Variants in FER observed in about 807,000 individuals in gnomAD.
FER encodes tyrosine-protein kinase Fer.
In FER, 63 loss-of-function variants were observed where a neutral mutation model predicts 111.0. That is an observed-to-expected ratio of 0.57 (90% CI 0.46 to 0.70). FER has a LOEUF of 0.70. Among genes scored for constraint, FER ranks in the 30% least tolerant of loss-of-function variants. The pLI, the probability that FER is intolerant of heterozygous loss-of-function variation, is 0.00. For missense variants in FER, 914 were observed against 954.0 expected (o/e 0.96, Z 0.55); for synonymous variants, 327 against 313.9 (o/e 1.04, Z -0.44).
At chr5:108,765,742 T>A (rs1157064992) in intron 1 of FER, among the ~76,000 whole-genome samples, 1 of 152,196 alleles carries the variant, frequency 6.6e-6, no homozygotes, top group Non-Finnish European at 1.5e-5. Context: ...AGAAGAGAGT[T>A]TAAACATTTT....
rs1174762713 is a variant in FER at position 108,778,158 on chromosome 5, A to G, written c.-60+9920A>G. 2.0e-5 allele frequency among the ~76,000 whole-genome samples: 3 copies of G among 152,132 alleles called. No individual in the cohort carries two copies. In the East Asian group the frequency reaches 5.8e-4, roughly 29 times the overall value. ...TCAGTTCTTTTTAGTGCTGAATAATATTCCATTGTTTGTATTTACCACAGT... is the reference window on the plus strand; with the variant it reads ...TCAGTTCTTTTTAGTGCTGAATAATGTTCCATTGTTTGTATTTACCACAGT... On this transcript the variant is annotated intron_variant, in intron 2 of 19. Coordinates refer to ENST00000281092, the MANE Select transcript of FER (RefSeq NM_005246.4).
At chr5:109,148,988 T>C (rs1474947481) in intron 17 of FER, among the ~76,000 whole-genome samples, 1 of 152,192 alleles carries the variant, frequency 6.6e-6, no homozygotes, top group Non-Finnish European at 1.5e-5. Context: ...ACTACATCTG[T>C]CTTACCCATT....
intron 16 of FER, among the ~76,000 whole-genome samples, chr5:109,055,260 T>G (rs1428095305): frequency 6.6e-6 from 1 of 152,132 alleles, no homozygotes; most frequent in East Asian, 1.9e-4. Flanking sequence ...TTGGTGATGA[T>G]TTTTTGGATA....
intron 10 of FER, among the ~76,000 whole-genome samples, chr5:108,921,420 T>C (rs1753002508): frequency 6.6e-6 from 1 of 152,168 alleles, no homozygotes; most frequent in African/African-American, 2.4e-5. Flanking sequence ...TCTCAGAAGG[T>C]AGGCACTTTC....
chr5:108,808,961 G>A (rs6875158), intron 3 of FER, among the ~76,000 whole-genome samples: 34,716 of 152,072 alleles, frequency 0.23, 4,142 homozygotes, highest in African/African-American at 0.28. Flanking sequence ...GTCCACTGTT[G>A]GCCTGACAGA....
intron 13 of FER, among the ~76,000 whole-genome samples, chr5:108,979,262 G>C (rs1761755317): frequency 6.6e-6 from 1 of 152,158 alleles, no homozygotes; most frequent in African/African-American, 2.4e-5. Flanking sequence ...GATTCAGCTT[G>C]ACACCTTCTC....
At chr5:108,882,837 C>T (rs73781906) in intron 8 of FER, among the ~76,000 whole-genome samples, 3,257 of 151,306 alleles carry the variant, frequency 0.022, 109 homozygotes, top group African/African-American at 0.075. Context: ...GGTTTGTGAG[C>T]GCATATTAAT....
intron 13 of FER, among the ~76,000 whole-genome samples, chr5:108,983,337 T>C (rs1232576902): frequency 1.3e-5 from 2 of 152,116 alleles, no homozygotes; most frequent in Non-Finnish European, 2.9e-5. Flanking sequence ...AGCTCTTTAC[T>C]GCTTCCTCAA....
Position 108,920,212 on chromosome 5 carries a change from A to G in FER, c.1236+22364A>G, listed in dbSNP as rs147910587. 8.0e-4 allele frequency among the ~76,000 whole-genome samples: 122 copies of G among 152,214 alleles called. 1 individual carries two copies. The highest frequency in any genetic ancestry group is 1.6e-3 in the Non-Finnish European group (109 of 67,946). ...GTTTTAAAAATAAAATTAAATGCAT[A>G]TAGTTTTAAAATTTACATGTGAAGG... On this transcript the variant is annotated intron_variant, in intron 10 of 19. Coordinates refer to ENST00000281092, the MANE Select transcript of FER (RefSeq NM_005246.4).
intron 13 of FER, among the ~76,000 whole-genome samples, chr5:109,028,846 A>G (rs898388844): frequency 6.6e-6 from 1 of 152,172 alleles, no homozygotes; most frequent in African/African-American, 2.4e-5. Context: ...TTACTCAGGA[A>G]ATCCCATTTG....
In FER at chr5:109,187,586, G is replaced by A. The variant is rs1330041778; in HGVS notation, c.*11G>A. The A allele has an allele frequency of 2.5e-6, 4 of 1,613,950 alleles. No individual in the cohort carries two copies. In the East Asian group the frequency reaches 8.9e-5, roughly 36 times the overall value. On this transcript the variant is annotated 3_prime_UTR_variant, in exon 20 of 20. Coordinates refer to ENST00000281092, the MANE Select transcript of FER (RefSeq NM_005246.4). ...AGAAAACTCACATAGTGACAGGATG[G>A]CGCCAAACTCAGCCTTCAGGACTCT...
At chr5:109,071,927 A>G (rs767298532) in intron 16 of FER, among the ~76,000 whole-genome samples, 6 of 151,590 alleles carry the variant, frequency 4.0e-5, no homozygotes, top group Non-Finnish European at 5.9e-5. Context: ...TTTCTTCCTG[A>G]ATATTTGCTA....
At chr5:108,805,737 G>C (rs756971327) in intron 3 of FER, among the ~76,000 whole-genome samples, 14 of 152,254 alleles carry the variant, frequency 9.2e-5, no homozygotes, top group Non-Finnish European at 1.8e-4. Context: ...ATTTGAACTT[G>C]AGAGAGATGA....
rs1286676710 is a variant in FER at position 109,190,868 on chromosome 5, A to AGAT, written c.*3294_*3296dup. On this transcript the variant is annotated 3_prime_UTR_variant, in exon 20 of 20. Transcript: ENST00000281092. ...TATAGACCAGGAGCCTAACTGTGTT[A>AGAT]GATATTTTCAGTGCACATTTCACAG... 1 of 152,234 alleles carries AGAT rather than the reference A, an allele frequency of 6.6e-6. No individual in the cohort carries two copies. Among genetic ancestry groups the AGAT allele is most frequent in the African/African-American group, 2.4e-5 (1 of 41,476 alleles). The allele number at this position is 152,234 out of a possible 1,614,324, so 9.4% of individuals were successfully genotyped here. A position where few individuals can be genotyped will look rare whatever the true frequency, so the allele number is the denominator to read the frequency against.
At chr5:108,989,164 T>A (rs918549134) in intron 13 of FER, among the ~76,000 whole-genome samples, 7 of 152,064 alleles carry the variant, frequency 4.6e-5, no homozygotes, top group Non-Finnish European at 8.8e-5. Flanking sequence ...TCAGTCCTAC[T>A]GAAATAATCT....
intron 10 of FER, among the ~76,000 whole-genome samples, chr5:108,918,056 A>T (rs1752493526): frequency 1.3e-5 from 2 of 152,212 alleles, no homozygotes; most frequent in Non-Finnish European, 2.9e-5. Flanking sequence ...TTGTAACAGG[A>T]TATCAAGACT....
chr5:109,017,695 T>C lies in FER; in HGVS notation c.1657-19727T>C, dbSNP rs538183579. 6.1e-4 allele frequency among the ~76,000 whole-genome samples: 93 copies of C among 152,108 alleles called. 1 individual carries two copies. The highest frequency in any genetic ancestry group is 3.4e-3 in the Middle Eastern group (1 of 294). On this transcript the variant is annotated intron_variant, in intron 13 of 19. Coordinates refer to ENST00000281092, the MANE Select transcript of FER (RefSeq NM_005246.4). Reference sequence around the variant, plus strand: ...GATATATATCATCATTGCTCTTAAATGTTATTATAGTTATTTAATTTGTTT... The same window carrying C: ...GATATATATCATCATTGCTCTTAAACGTTATTATAGTTATTTAATTTGTTT...
intron 5 of FER, among the ~76,000 whole-genome samples, chr5:108,862,342 CTGAGT>C: frequency 6.6e-6 from 1 of 152,150 alleles, no homozygotes; most frequent in East Asian, 1.9e-4. Context: ...TAAAATCTTA[CTGAGT>C]TGAGTGTTGT....
At chr5:109,123,401 C>A (rs1050155522) in intron 17 of FER, among the ~76,000 whole-genome samples, 3 of 151,946 alleles carry the variant, frequency 2.0e-5, no homozygotes, top group Admixed American at 2.0e-4. Context: ...CATGATCCGC[C>A]CACCTCAGCC....
Sources: gnomAD v4.1 joint callset for allele counts (sites outside exome capture counted in the v4.1 genomes callset) on GRCh38, gnomAD v4.1.1 for gene constraint, MANE v1.5 for transcripts, NCBI Gene and HGNC (gene_info 2026-07-23, HGNC 2026-07-21) for gene names.